The following SMCHD1 variants were observed in gnomAD, a reference collection of about 807,000 sequenced individuals.
SMCHD1 encodes the protein structural maintenance of chromosomes flexible hinge domain containing 1.
Under a neutral mutation model 254.7 loss-of-function variants are expected in SMCHD1, and 78 were observed. That is an observed-to-expected ratio of 0.31 (90% confidence interval 0.26 to 0.37). The LOEUF (loss-of-function observed/expected upper bound fraction) is 0.37. SMCHD1 is among the 10% of genes least tolerant of loss of function. The probability of loss-of-function intolerance (pLI) is 1.00; values close to 1 mark genes in which losing one functional copy is unlikely to be tolerated. For missense variants in SMCHD1, 1,840 were observed against 2,408.1 expected, an observed-to-expected ratio of 0.76 and a Z score of 4.94; for synonymous variants, 766 against 794.9, an observed-to-expected ratio of 0.96 and a Z score of 0.61.
chr18:2,742,809 T>G (rs1002133913), intron 28 of SMCHD1, among the ~76,000 whole-genome samples: 2 of 152,126 alleles, frequency 1.3e-5, no homozygotes, highest in African/African-American at 4.8e-5. Context: ...CCCAACTAGC[T>G]AGGACTATAG....
chr18:2,795,039 GTTTT>G (rs201312816), intron 45 of SMCHD1, among the ~76,000 whole-genome samples: 9 of 148,556 alleles, frequency 6.1e-5, no homozygotes, highest in African/African-American at 2.2e-4. Context: ...AAAATTCTGG[GTTTT>G]TTTTTTGTTT....
chr18:2,668,404 T>C (rs1210149348), intron 3 of SMCHD1, among the ~76,000 whole-genome samples: 2 of 152,186 alleles, frequency 1.3e-5, no homozygotes, highest in African/African-American at 2.4e-5. Flanking sequence ...GGAAATAATA[T>C]AGGTAAAGAT....
Position 2,739,658 on chromosome 18 carries a change from G to A in SMCHD1, c.3514+138G>A, listed in dbSNP as rs1401127686. On this transcript the variant is annotated intron_variant, in intron 27 of 47. Transcript: ENST00000320876. ...GTTACTGATATAAAATCTATTGTCAGATAAGATTGAAGTATTTTCATTATC... is the reference window on the plus strand; with the variant it reads ...GTTACTGATATAAAATCTATTGTCAAATAAGATTGAAGTATTTTCATTATC... The A allele has an allele frequency of 1.5e-5, 9 of 616,236 alleles. No individual in the cohort carries two copies. The East Asian group carries it at 2.6e-4, about 18-fold the overall frequency. 38.2% of individuals were successfully genotyped at this position (616,236 alleles called of 1,614,324 possible).
Position 2,700,715 on chromosome 18 carries a change from A to G in SMCHD1, c.1464-20A>G. On this transcript the variant is annotated intron_variant, in intron 11 of 47. Transcript: ENST00000320876. The stretch of plus-strand genomic sequence containing the variant: ...TTACAACTTAATTCTTTTACTAACT[A>G]ACATTTTGTTCTGTTCAAGCTTTGA... 2 of 1,606,296 alleles carry G rather than the reference A, an allele frequency of 1.2e-6. No homozygotes were observed. Among genetic ancestry groups the G allele is most frequent in the Non-Finnish European group, 1.7e-6 (2 of 1,176,366 alleles).
chr18:2,728,055 T>G (rs1029247157), intron 22 of SMCHD1, among the ~76,000 whole-genome samples: 3 of 152,076 alleles, frequency 2.0e-5, no homozygotes, highest in Non-Finnish European at 4.4e-5. Flanking sequence ...AACTAATTCT[T>G]TGAATGTCTA....
At chr18:2,740,583 C>T in intron 27 of SMCHD1, 120 bp from the exon 28 acceptor site, 2 of 428,452 alleles carry the variant, frequency 4.7e-6, no homozygotes, top group South Asian at 9.6e-5. Context: ...ATTTTTGTAC[C>T]AAAAATTACT....
rs142715237 is a variant in SMCHD1 at position 2,678,223 on chromosome 18, T to TTTTCTTTC, written c.638+4091_638+4098dup. Reference sequence around the variant, plus strand: ...TCTTTTCTTTCTTTTCTTTCTTTCTTTTTCTTTCTTTCTTTCTTTCGTTCT... The same window carrying TTTTCTTTC: ...TCTTTTCTTTCTTTTCTTTCTTTCTTTTTCTTTCTTTCTTTCTTTCTTTCTTTCGTTCT... On this transcript the variant is annotated intron_variant, in intron 5 of 47. Coordinates refer to ENST00000320876, the MANE Select transcript of SMCHD1 (RefSeq NM_015295.3). Among the ~76,000 whole-genome samples, 405 of 139,058 alleles carry TTTTCTTTC rather than the reference T, an allele frequency of 2.9e-3. 3 individuals carry two copies. Among genetic ancestry groups the TTTTCTTTC allele is most frequent in the African/African-American group, 9.6e-3 (364 of 37,834 alleles). 91.2% of individuals were successfully genotyped at this position (139,058 alleles called of 152,430 possible).
intron 44 of SMCHD1, 143 bp from the exon 45 acceptor site, chr18:2,784,307 C>T (rs2076205495): frequency 4.7e-6 from 3 of 644,514 alleles, no homozygotes; most frequent in African/African-American, 3.9e-5. Flanking sequence ...TCCAGTTTAT[C>T]TTACATATTG....
At chr18:2,687,742 C>CT (rs1029001100) in intron 5 of SMCHD1, among the ~76,000 whole-genome samples, 1 of 152,050 alleles carries the variant, frequency 6.6e-6, no homozygotes, top group Non-Finnish European at 1.5e-5. Flanking sequence ...TCTTTTCTTT[C>CT]TTTGTTTCCT....
chr18:2,795,115 G>A (rs1456360354), intron 45 of SMCHD1, among the ~76,000 whole-genome samples: 4 of 151,592 alleles, frequency 2.6e-5, no homozygotes, highest in Non-Finnish European at 5.9e-5. Flanking sequence ...GCTGAATGGC[G>A]CAATCTCAGC....
At position 2,722,574 on chromosome 18, in the gene SMCHD1, A is replaced by G. The variant is rs921931424; in HGVS notation, c.2514A>G (p.Gly838=). 4 of 1,613,364 alleles carry G rather than the reference A, an allele frequency of 2.5e-6. No individual in the cohort carries two copies. The highest frequency in any genetic ancestry group is 3.4e-6 in the Non-Finnish European group (4 of 1,179,594). The change falls in exon 20 of 48, where the codon GGA becomes GGG. Residue 838 remains glycine (G), a synonymous_variant. Transcript: ENST00000320876. ...FGLLDLPFRV[G]VPFNIPLEFQ... is the part of the protein sequence containing the mutation. ...TTCTGGATCTTCCTTTTCGTGTTGG[A>G]GTTCCATTTAATATCCCTCTGGAGT...
At chr18:2,681,068 C>T (rs777709899) in intron 5 of SMCHD1, among the ~76,000 whole-genome samples, 3 of 151,952 alleles carry the variant, frequency 2.0e-5, no homozygotes, top group Non-Finnish European at 2.9e-5. Flanking sequence ...GAATTTGAGA[C>T]CAGCTTATGC....
rs1199860810 is a variant in SMCHD1 at position 2,748,342 on chromosome 18, TTGTGTGTGTGTGTG to T, written c.3927+723_3927+736del. Among the ~76,000 whole-genome samples, 689 of 78,450 alleles carry T rather than the reference TTGTGTGTGTGTGTG, an allele frequency of 8.8e-3. 14 individuals carry two copies. Among genetic ancestry groups the T allele is most frequent in the Middle Eastern group, 0.071 (13 of 184 alleles). 51.5% of individuals were successfully genotyped at this position (78,450 alleles called of 152,430 possible). A position where few individuals can be genotyped will look rare whatever the true frequency, so the allele number is the denominator to read the frequency against. ...GGAAAAGCTGCTAGTCTTTGCAAAG[TTGTGTGTGTGTGTG>T]TGTGTGTGTGTGTGTGTGTGTGTGT... On this transcript the variant is annotated intron_variant, in intron 30 of 47. Coordinates refer to ENST00000320876, the MANE Select transcript of SMCHD1 (RefSeq NM_015295.3).
At chr18:2,790,987 A>G (rs986627763) in intron 45 of SMCHD1, among the ~76,000 whole-genome samples, 1 of 152,234 alleles carries the variant, frequency 6.6e-6, no homozygotes, top group Non-Finnish European at 1.5e-5. Flanking sequence ...AGATTGTGTA[A>G]CAGTATACCT....
intron 17 of SMCHD1, among the ~76,000 whole-genome samples, chr18:2,712,462 T>C (rs1291716742): frequency 1.3e-5 from 2 of 152,218 alleles, no homozygotes; most frequent in Non-Finnish European, 2.9e-5. Flanking sequence ...GGTCCACTTA[T>C]ATGTGGCCAT....
At chr18:2,792,556 T>G (rs2076185198) in intron 45 of SMCHD1, among the ~76,000 whole-genome samples, 1 of 152,228 alleles carries the variant, frequency 6.6e-6, no homozygotes, top group African/African-American at 2.4e-5. Flanking sequence ...TCTTGGAACA[T>G]GTCCCATGAG....
At chr18:2,699,842 G>T (rs758563066) in intron 10 of SMCHD1, among the ~76,000 whole-genome samples, 1 of 152,232 alleles carries the variant, frequency 6.6e-6, no homozygotes, top group Non-Finnish European at 1.5e-5. Flanking sequence ...CTTTTAGGGA[G>T]AAGGTTTTGT....
intron 13 of SMCHD1, among the ~76,000 whole-genome samples, chr18:2,704,300 C>T (rs2074466341): frequency 6.6e-6 from 1 of 152,068 alleles, no homozygotes; most frequent in Admixed American, 6.6e-5. Flanking sequence ...GTTTCCTAAA[C>T]TAAACTTTAC....
intron 7 of SMCHD1, among the ~76,000 whole-genome samples, chr18:2,690,631 C>T (rs1044169881): frequency 6.6e-6 from 1 of 151,392 alleles, no homozygotes; most frequent in Non-Finnish European, 1.5e-5. Context: ...GCCACCACAC[C>T]TGGCTAATTT....
Sources: allele counts gnomAD v4.1 joint callset (sites outside exome capture counted in the v4.1 genomes callset), GRCh38; gene constraint gnomAD v4.1.1; transcripts MANE v1.5; gene names NCBI Gene and HGNC (gene_info 2026-07-23, HGNC 2026-07-21).